DENND2B: variants seen among roughly 807,000 people sequenced by gnomAD.
DENND2B encodes the protein DENN domain containing 2B.
In DENND2B, 32 loss-of-function variants were observed where a neutral mutation model predicts 116.0. The ratio of observed to expected loss-of-function variants is 0.28; its 90% CI spans 0.21 to 0.37. DENND2B has a LOEUF of 0.37. DENND2B is among the 10% of genes least tolerant of loss of function. The probability of loss-of-function intolerance (pLI) is 1.00; values close to 1 mark genes in which losing one functional copy is unlikely to be tolerated. For missense variants in DENND2B, 1,276 were observed against 1,477.7 expected (o/e 0.86, Z 2.24); for synonymous variants, 588 against 583.9 (o/e 1.01, Z -0.10).
At chr11:8,710,437 G>A (rs1747934818) in intron 11 of DENND2B, among the ~76,000 whole-genome samples, 1 of 152,004 alleles carries the variant, frequency 6.6e-6, no homozygotes, top group South Asian at 2.1e-4. Flanking sequence ...GGTGAGGAAG[G>A]TTGTCCCTCA....
intron 1 of DENND2B, among the ~76,000 whole-genome samples, chr11:8,792,335 G>A (rs2059453581): frequency 6.6e-6 from 1 of 151,808 alleles, no homozygotes; most frequent in Non-Finnish European, 1.5e-5. Context: ...TTTTTTTTGT[G>A]ATTCTGACAA....
intron 4 of DENND2B, chr11:8,718,113 A>AACCCCCC (rs2045371377): frequency 2.2e-4 from 2 of 8,922 alleles, no homozygotes; most frequent in Non-Finnish European, 4.4e-4. Context: ...CACCCCCCCC[A>AACCCCCC]ACCCCCCACC....
chr11:8,855,175 A>G (rs1191555318), intron 3 of DENND2B, among the ~76,000 whole-genome samples: 2 of 151,318 alleles, frequency 1.3e-5, no homozygotes, highest in African/African-American at 4.8e-5. Flanking sequence ...AAGAAAAAAG[A>G]AAAGAAAAGG....
At chr11:8,718,123 C>G (rs1184288500) in intron 4 of DENND2B, 3 of 372,780 alleles carry the variant, frequency 8.0e-6, no homozygotes, top group Non-Finnish European at 1.5e-5. Flanking sequence ...AACCCCCCAC[C>G]CCCAGCCCAG....
intron 2 of DENND2B, among the ~76,000 whole-genome samples, chr11:8,865,335 G>C (rs182540838): frequency 6.6e-6 from 1 of 152,128 alleles, no homozygotes; most frequent in Non-Finnish European, 1.5e-5. Context: ...TACTTATGCT[G>C]ATAGAAAAAA....
At chr11:8,864,266 T>TTTG (rs777110701) in intron 2 of DENND2B, among the ~76,000 whole-genome samples, 6 of 152,002 alleles carry the variant, frequency 3.9e-5, no homozygotes, top group Admixed American at 1.3e-4. Context: ...TCCAATTTCT[T>TTTG]TTGTTGTTGT....
intron 4 of DENND2B, among the ~76,000 whole-genome samples, chr11:8,818,299 T>C (rs548231167): frequency 2.9e-4 from 44 of 151,446 alleles, no homozygotes; most frequent in African/African-American, 1.0e-3. Context: ...TTTCCAAGCT[T>C]AGCTAGCTCA....
upstream of DENND2B, among the ~76,000 whole-genome samples, chr11:8,871,911 A>T (rs748893068): frequency 1.5e-4 from 23 of 152,272 alleles, 1 homozygote; most frequent in Admixed American, 3.3e-4. Flanking sequence ...ACCCATACTT[A>T]GTGAGATGTT....
At chr11:8,756,054 T>G (rs1049127513) in intron 1 of DENND2B, among the ~76,000 whole-genome samples, 1 of 152,208 alleles carries the variant, frequency 6.6e-6, no homozygotes, top group Non-Finnish European at 1.5e-5. Context: ...AGGAATCAAC[T>G]TGCTAAGCAT....
chr11:8,707,423 G>C lies in DENND2B; in HGVS notation c.2431-198C>G, dbSNP rs1400931813. Among the ~76,000 whole-genome samples the C allele has an allele frequency of 6.6e-6, 1 of 152,202 alleles. No homozygotes were observed. The highest frequency in any genetic ancestry group is 1.5e-5 in the Non-Finnish European group (1 of 68,038). ...TCAGTGACTCCTCTGTTCCCTAACT[G>C]GCCTTGCTTCAGTCCCCAAGAGCGG... On this transcript the variant is annotated intron_variant, in intron 12 of 19. Coordinates refer to ENST00000313726, the MANE Select transcript of DENND2B (RefSeq NM_213618.2). This position sits in a 1 kb window ranked among gnomAD's most constrained non-coding sequence, Gnocchi z 4.8.
intron 18 of DENND2B, chr11:8,695,926 C>A: frequency 3.7e-6 from 1 of 273,958 alleles, no homozygotes; most frequent in South Asian, 5.7e-5. Context: ...GAAGTACTAA[C>A]CCTGAGGTTA....
intron 13 of DENND2B, among the ~76,000 whole-genome samples, chr11:8,703,922 A>C (rs951853881): frequency 2.6e-5 from 4 of 152,162 alleles, no homozygotes; most frequent in African/African-American, 9.7e-5. Flanking sequence ...GAAGTAGCAC[A>C]ATGATGCCAG....
At chr11:8,860,617 C>T (rs11042102) in intron 2 of DENND2B, among the ~76,000 whole-genome samples, 50,810 of 152,012 alleles carry the variant, frequency 0.33, 10,367 homozygotes, top group Non-Finnish European at 0.44. Flanking sequence ...GAGCATACTA[C>T]CCAAAGCAAT....
At position 8,711,316 on chromosome 11, in the gene DENND2B, C is replaced by T. The variant is rs2043634934; in HGVS notation, c.2173-85G>A. The T allele has an allele frequency of 3.5e-6, 4 of 1,131,586 alleles. No homozygotes were observed. The Admixed American group carries it at 5.2e-5, about 15-fold the overall frequency. 70.1% of individuals were successfully genotyped at this position (1,131,586 alleles called of 1,614,324 possible). A position where few individuals can be genotyped will look rare whatever the true frequency, so the allele number is the denominator to read the frequency against. ...AGAAGCCCCTCCTCCCCTGAGGGCCCTAGATGCCACTGACTAGCGGGCATG... is the reference window on the plus strand; with the variant it reads ...AGAAGCCCCTCCTCCCCTGAGGGCCTTAGATGCCACTGACTAGCGGGCATG... On this transcript the variant is annotated intron_variant, in intron 9 of 19. Transcript: ENST00000313726.
intron 2 of DENND2B, among the ~76,000 whole-genome samples, chr11:8,735,485 C>T (rs2048862188): frequency 6.6e-6 from 1 of 152,260 alleles, no homozygotes. Flanking sequence ...GGGTGATTTG[C>T]TCCACGGCAG....
chr11:8,844,347 C>T (rs1454645307), intron 3 of DENND2B, among the ~76,000 whole-genome samples: 1 of 152,164 alleles, frequency 6.6e-6, no homozygotes, highest in African/African-American at 2.4e-5. Flanking sequence ...CTGCAGTGAG[C>T]CATGATTGCA....
intron 1 of DENND2B, among the ~76,000 whole-genome samples, chr11:8,799,822 A>G (rs752193333): frequency 3.7e-4 from 56 of 151,840 alleles, no homozygotes; most frequent in Non-Finnish European, 2.5e-4. Context: ...GTGGCAAAGT[A>G]TATACACACA....
intron 2 of DENND2B, among the ~76,000 whole-genome samples, chr11:8,877,771 C>A (rs887819492): frequency 6.6e-6 from 1 of 152,098 alleles, no homozygotes; most frequent in African/African-American, 2.4e-5. Context: ...TAGTTCCCCC[C>A]CAAAAAAATC....
At chr11:8,770,071 T>A (rs2056592176) in intron 1 of DENND2B, among the ~76,000 whole-genome samples, 1 of 152,164 alleles carries the variant, frequency 6.6e-6, no homozygotes, top group Non-Finnish European at 1.5e-5. Flanking sequence ...TAGCCCACCT[T>A]GTGTAGCTGT....
Sources: allele counts gnomAD v4.1 joint callset (sites outside exome capture counted in the v4.1 genomes callset), GRCh38; gene constraint gnomAD v4.1.1; non-coding constraint Gnocchi (gnomAD v3.1); transcripts MANE v1.5; gene names NCBI Gene and HGNC (gene_info 2026-07-23, HGNC 2026-07-21).